CEP290: variants seen among roughly 807,000 people sequenced by gnomAD.
CEP290 encodes the protein centrosomal protein 290.
A neutral mutation model predicts 344.9 loss-of-function variants in CEP290; 317 were observed. The observed-to-expected ratio is 0.92, with a 90% CI of 0.84 to 1.01. The LOEUF (loss-of-function observed/expected upper bound fraction) is 1.01. Among genes scored for constraint, CEP290 ranks in the 50% least tolerant of loss-of-function variants. The pLI, the probability that CEP290 is intolerant of heterozygous loss-of-function variation, is 0.00. For synonymous variants in CEP290, 932 were observed against 895.8 expected (o/e 1.04, Z -0.72); for missense variants, 2,754 against 2,761.4 (o/e 1.00, Z 0.06).
rs746906765 is a variant in CEP290, at chr12:88,118,747, C to T, written c.1523-4G>A. On this transcript the variant is annotated splice_polypyrimidine_tract_variant and splice_region_variant and intron_variant, in intron 15 of 53. Coordinates refer to ENST00000552810, the MANE Select transcript of CEP290 (RefSeq NM_025114.4). ...ATCATTGTCTTTGGTTCAAGGCCTA[C>T]AATAGAAAGCAATATAATTAAAAAC... 1.9e-6 allele frequency: 3 copies of T among 1,581,478 alleles called. No individual in the cohort carries two copies. The highest frequency in any genetic ancestry group is 1.4e-5 in the African/African-American group (1 of 73,480).
At chr12:88,129,470 A>G (rs1359955511) in intron 10 of CEP290, among the ~76,000 whole-genome samples, 1 of 151,934 alleles carries the variant, frequency 6.6e-6, no homozygotes, top group Non-Finnish European at 1.5e-5. Context: ...CTATCTACAC[A>G]TTCATTCAAG....
chr12:88,124,364 G>A (rs1293007353), intron 13 of CEP290, among the ~76,000 whole-genome samples: 5 of 152,136 alleles, frequency 3.3e-5, no homozygotes, highest in South Asian at 2.1e-4. Context: ...ACTGCTTAGA[G>A]CCATCTGCAT....
chr12:88,092,306 A>T (rs1406454334), intron 29 of CEP290, among the ~76,000 whole-genome samples: 1 of 152,190 alleles, frequency 6.6e-6, no homozygotes, highest in East Asian at 1.9e-4. Flanking sequence ...CTTATGAAAC[A>T]GGTAGAAGAG....
intron 38 of CEP290, among the ~76,000 whole-genome samples, chr12:88,079,900 T>C (rs1440166741): frequency 2.6e-5 from 4 of 152,086 alleles, no homozygotes; most frequent in Admixed American, 6.6e-5. Context: ...TACAATGTAA[T>C]ATATATTATA....
chr12:88,077,384 T>C, intron 40 of CEP290, 40 bp from the exon 41 acceptor site: 1 of 1,295,416 alleles, frequency 7.7e-7, no homozygotes, highest in Non-Finnish European at 1.0e-6. Context: ...TACAAATAAA[T>C]GTAAAACAAA....
At chr12:88,092,909 A>G in intron 28 of CEP290, 77 bp from the exon 29 acceptor site, 2 of 1,343,218 alleles carry the variant, frequency 1.5e-6, no homozygotes, top group Non-Finnish European at 2.1e-6. Flanking sequence ...CTTTTAAAGT[A>G]CTGCAATCCT....
intron 17 of CEP290, among the ~76,000 whole-genome samples, chr12:88,118,231 T>C (rs2039177771): frequency 6.6e-6 from 1 of 152,076 alleles, no homozygotes; most frequent in African/African-American, 2.4e-5. Context: ...AAAAATTCCA[T>C]AATTCTAAGG....
chr12:88,081,039 A>G (rs1030267436), intron 37 of CEP290, among the ~76,000 whole-genome samples: 1 of 152,192 alleles, frequency 6.6e-6, no homozygotes, highest in African/African-American at 2.4e-5. Context: ...TGCTTCCTCT[A>G]TATGATAGTT....
intron 25 of CEP290, among the ~76,000 whole-genome samples, chr12:88,105,629 C>CATT (rs2137591757): frequency 6.6e-6 from 1 of 152,306 alleles, no homozygotes; most frequent in Admixed American, 6.5e-5. Flanking sequence ...ATGCTAAAAT[C>CATT]ATTAGGACTG....
chr12:88,087,768 A>G lies in CEP290; in HGVS notation c.4194+12T>C. The G allele has an allele frequency of 1.8e-6, 2 of 1,134,800 alleles. No homozygotes were observed. The highest frequency in any genetic ancestry group is 2.3e-6 in the Non-Finnish European group (2 of 872,816). 70.3% of individuals were successfully genotyped at this position (1,134,800 alleles called of 1,614,324 possible). ...ACTTAGGGAAAAAAATGAAATAAAT[A>G]TAAAATAAAACCTTGTTCTGTTGCA... On this transcript the variant is annotated intron_variant, in intron 32 of 53. Coordinates refer to ENST00000552810, the MANE Select transcript of CEP290 (RefSeq NM_025114.4).
chr12:88,101,563 G>A (rs1256227653), intron 26 of CEP290, among the ~76,000 whole-genome samples: 1 of 149,484 alleles, frequency 6.7e-6, no homozygotes, highest in African/African-American at 2.5e-5. Context: ...TGAGGCAGGA[G>A]AACTGCTTGA....
rs141714178 is a variant in CEP290, at chr12:88,068,743, G to A, written c.6012-98C>T. The A allele has an allele frequency of 8.8e-4, 1,033 of 1,173,032 alleles. 13 individuals are homozygous for A. In the African/African-American group the frequency reaches 0.015, roughly 17 times the overall value. 72.7% of individuals were successfully genotyped at this position (1,173,032 alleles called of 1,614,324 possible). A position where few individuals can be genotyped will look rare whatever the true frequency, so the allele number is the denominator to read the frequency against. On this transcript the variant is annotated intron_variant, in intron 43 of 53. Coordinates refer to ENST00000552810, the MANE Select transcript of CEP290 (RefSeq NM_025114.4). Reference sequence around the variant, plus strand: ...AGATAAAAAAAGAAAAGTTCAGTGTGTTTATTAACACTATATTTTAAATTC... The same window carrying A: ...AGATAAAAAAAGAAAAGTTCAGTGTATTTATTAACACTATATTTTAAATTC...
intron 27 of CEP290, among the ~76,000 whole-genome samples, chr12:88,095,167 T>C (rs1338965010): frequency 6.6e-6 from 1 of 152,110 alleles, no homozygotes; most frequent in Non-Finnish European, 1.5e-5. Flanking sequence ...AAGGAGTCCT[T>C]CTCCATTCTG....
At position 88,088,446 on chromosome 12, in the gene CEP290, ATAAT is replaced by A. The variant is rs576771374; in HGVS notation, c.4030-506_4030-503del. Reference sequence around the variant, plus strand: ...ATAACTACTACAATGTTTAAATATAATAATTAGTGTTTAATTAATATAAATTTTC... The same window carrying A: ...ATAACTACTACAATGTTTAAATATAATAGTGTTTAATTAATATAAATTTTC... On this transcript the variant is annotated intron_variant, in intron 31 of 53. Transcript: ENST00000552810. Among the ~76,000 whole-genome samples the A allele has an allele frequency of 5.3e-3, 806 of 152,292 alleles. 14 individuals are homozygous for A. The highest frequency in any genetic ancestry group is 0.019 in the African/African-American group (772 of 41,568).
rs370464321 is a variant in CEP290 at position 88,077,862 on chromosome 12, T to C, written c.5421A>G (p.Thr1807=). The change falls in exon 40 of 54, where the codon ACA becomes ACG. Residue 1807 remains threonine, a synonymous_variant. Transcript: ENST00000552810. Reference sequence around the variant, plus strand: ...TTAGTGAGTTTTCTCTGTTTTTACTTGTTTTAAGTGCTTCTTTCAATTTTA... The same window carrying C: ...TTAGTGAGTTTTCTCTGTTTTTACTCGTTTTAAGTGCTTCTTTCAATTTTA... ...NLLKLKEALK[T]SKNRENSLTD... 113 of 1,439,712 alleles carry C rather than the reference T, an allele frequency of 7.8e-5. No individual in the cohort carries two copies. The highest frequency in any genetic ancestry group is 1.0e-4 in the Non-Finnish European group (108 of 1,059,108). 89.2% of individuals were successfully genotyped at this position (1,439,712 alleles called of 1,614,324 possible).
Position 88,055,706 on chromosome 12 carries a change from G to T in CEP290, c.6830C>A (p.Thr2277Asn). 6.6e-7 allele frequency: 1 copy of T among 1,520,890 alleles called. No individual in the cohort carries two copies. The highest frequency in any genetic ancestry group is 8.9e-7 in the Non-Finnish European group (1 of 1,129,686). 94.2% of individuals were successfully genotyped at this position (1,520,890 alleles called of 1,614,324 possible). A position where few individuals can be genotyped will look rare whatever the true frequency, so the allele number is the denominator to read the frequency against. The part of the protein sequence containing the change: ...KSIVVTRMYE[T>N]KLKELETDIA... ...ATCAGTTTCCAATTCTTTTAACTTG[G>T]TTTCATACATTCTAAAAGTATAAGG... is the stretch of plus-strand genomic sequence containing the variant. The change falls in exon 50 of 54, where the codon ACC (threonine) becomes AAC (asparagine). Residue 2277 changes from threonine to asparagine, a missense_variant. Coordinates refer to ENST00000552810, the MANE Select transcript of CEP290 (RefSeq NM_025114.4).
chr12:88,059,009 A>G lies in CEP290; in HGVS notation c.6657T>C (p.Ala2219=). ...TCTTTGCTATCCGTAATTTCTCTGC[A>G]GCATCAGTTTCCTATCATTAAATGC... ...LRKELKKETD[A]AEKLRIAKNN... Residue 2219 remains alanine (A), a synonymous_variant, in exon 49 of 54, where the codon GCT becomes GCC. Coordinates refer to ENST00000552810, the MANE Select transcript of CEP290 (RefSeq NM_025114.4). 1 of 1,610,144 alleles carries G rather than the reference A, an allele frequency of 6.2e-7. No individual in the cohort carries two copies. The highest frequency in any genetic ancestry group is 8.5e-7 in the Non-Finnish European group (1 of 1,178,286).
chr12:88,117,592 A>C (rs562395733), intron 17 of CEP290, among the ~76,000 whole-genome samples: 1 of 152,328 alleles, frequency 6.6e-6, no homozygotes, highest in African/African-American at 2.4e-5. Context: ...GGGCAAGTGA[A>C]AAAGACAGTC....
At position 88,090,676 on chromosome 12, in the gene CEP290, A is replaced by C. The variant is rs1674587971; in HGVS notation, c.3573+52T>G. 8.2e-6 allele frequency: 9 copies of C among 1,103,240 alleles called. No individual in the cohort carries two copies. In the South Asian group the frequency reaches 1.3e-4, roughly 16 times the overall value. 68.3% of individuals were successfully genotyped at this position (1,103,240 alleles called of 1,614,324 possible). A position where few individuals can be genotyped will look rare whatever the true frequency, so the allele number is the denominator to read the frequency against. ...ATATCCCACTCCCAACATCTAATGT[A>C]AATTTAGGGAAAAAAGTGGATTCTA... On this transcript the variant is annotated intron_variant, in intron 30 of 53. Transcript: ENST00000552810.
Sources: allele counts gnomAD v4.1 joint callset (sites outside exome capture counted in the v4.1 genomes callset), GRCh38; gene constraint gnomAD v4.1.1; transcripts MANE v1.5; gene names NCBI Gene and HGNC (gene_info 2026-07-23, HGNC 2026-07-21).